Variants in UPF1 observed in about 807,000 individuals in gnomAD.
UPF1 encodes regulator of nonsense transcripts 1.
UPF1 carries 9 observed loss-of-function variants against 129.2 expected under a neutral mutation model. That is an observed-to-expected ratio of 0.07 (90% CI 0.04 to 0.12). The LOEUF is 0.12. Ranked by LOEUF, UPF1 falls within the 10% of genes least tolerant of loss-of-function variation. The probability of loss-of-function intolerance (pLI) is 1.00; values close to 1 mark genes in which losing one functional copy is unlikely to be tolerated. For synonymous variants in UPF1, 649 were observed against 644.9 expected (o/e 1.01, Z -0.10); for missense variants, 788 against 1,525.3 (o/e 0.52, Z 8.05).
rs1468821463 is a variant in UPF1 at position 18,860,458 on chromosome 19, C to T, written c.2300+20C>T. 2 of 1,610,646 alleles carry T rather than the reference C, an allele frequency of 1.2e-6. No homozygotes were observed. Among genetic ancestry groups the T allele is most frequent in the Non-Finnish European group, 1.7e-6 (2 of 1,177,302 alleles). ...GAACAGGTGAGCAGGGACAGGCCCA[C>T]CGGCGTCTGCAGGTCTTGGGGACAG... is the stretch of plus-strand genomic sequence containing the variant. On this transcript the variant is annotated intron_variant, in intron 16 of 23. Coordinates refer to ENST00000262803, the MANE Select transcript of UPF1 (RefSeq NM_002911.4).
intron 17 of UPF1, among the ~76,000 whole-genome samples, chr19:18,861,617 G>A (rs1194936177): frequency 6.6e-6 from 1 of 152,218 alleles, no homozygotes; most frequent in Non-Finnish European, 1.5e-5. Context: ...GAAGTCGCTT[G>A]AGGCTAGGAG....
rs757471724 is a variant in UPF1 at position 18,855,882 on chromosome 19, G to A, written c.1545-43G>A. On this transcript the variant is annotated intron_variant, in intron 11 of 23. Transcript: ENST00000262803. The stretch of plus-strand genomic sequence containing the variant: ...AGTCTTGGCTTACTACGTTCACCGA[G>A]CTTCCTCTGGGTAAGCACTGAGCTG... The A allele has an allele frequency of 1.7e-5, 28 of 1,602,322 alleles. No individual in the cohort carries two copies. In the East Asian group the frequency reaches 6.3e-4, roughly 36 times the overall value.
intron 6 of UPF1, among the ~76,000 whole-genome samples, chr19:18,852,626 T>A (rs2055671869): frequency 6.6e-6 from 1 of 151,316 alleles, no homozygotes; most frequent in African/African-American, 2.4e-5. Context: ...CCTGGAGCGC[T>A]GACCTCCCCT....
chr19:18,860,743 G>A (rs2055769529), intron 16 of UPF1, 83 bp from the exon 17 acceptor site: 4 of 1,561,214 alleles, frequency 2.6e-6, no homozygotes, highest in Non-Finnish European at 3.5e-6. Context: ...GCAGGGTGTT[G>A]TGTCTGCACC....
rs1180166212 is a variant in UPF1 at position 18,855,964 on chromosome 19, C to T, written c.1584C>T (p.Asp528=). The T allele has an allele frequency of 1.9e-6, 3 of 1,613,826 alleles. No homozygotes were observed. The African/African-American group carries it at 4.0e-5, about 22-fold the overall frequency. Residue 528 remains aspartate, a synonymous_variant, in exon 12 of 24, where the codon GAC becomes GAT. Coordinates refer to ENST00000262803, the MANE Select transcript of UPF1 (RefSeq NM_002911.4). ...LVCAPSNIAV[D]QLTEKIHQTG... is the part of the protein sequence containing the mutation. ...GTGCTCCGAGCAACATCGCCGTGGA[C>T]CAGCTAACGGAGAAGATCCACCAGA...
chr19:18,843,638 G>A (rs971874967), intron 1 of UPF1, among the ~76,000 whole-genome samples: 14 of 151,340 alleles, frequency 9.3e-5, no homozygotes, highest in African/African-American at 2.9e-4. Context: ...CCTGCACGGG[G>A]ATTACAGGTG....
intron 1 of UPF1, 98 bp from the exon 2 acceptor site, chr19:18,845,882 G>A: frequency 6.8e-7 from 1 of 1,475,058 alleles, no homozygotes; most frequent in East Asian, 2.4e-5. Context: ...AAGCAGAGAT[G>A]AGGCCAGGGT....
At chr19:18,856,401 AAG>A in intron 13 of UPF1, 101 bp downstream of exon 13, 5 of 1,163,640 alleles carry the variant, frequency 4.3e-6, no homozygotes, top group Non-Finnish European at 4.8e-6. Context: ...TGCTTCTGGA[AAG>A]AGAACTTAGA....
rs763927139 is a variant in UPF1 at position 18,832,352 on chromosome 19, C to T, written c.143C>T (p.Pro48Leu). Residue 48 changes from proline (P) to leucine (L), a missense_variant, in exon 1 of 24, where the codon CCC becomes CTC. By Grantham distance (98) the Pro-to-Leu change is moderately conservative. Coordinates refer to ENST00000262803, the MANE Select transcript of UPF1 (RefSeq NM_002911.4). This position sits in a 1 kb window ranked among gnomAD's most constrained non-coding sequence, Gnocchi z 5.6. ...CTTCCTAGCCAGACGCAGACGCCCC[C>T]CGGCGGCCCCGGCGGCCCGGGCGGT... ...FTLPSQTQTP[P>L]GGPGGPGGGG... 5.2e-6 allele frequency: 7 copies of T among 1,339,232 alleles called. No homozygotes were observed. The highest frequency in any genetic ancestry group is 1.5e-5 in the African/African-American group (1 of 65,802). The allele number at this position is 1,339,232 out of a possible 1,614,324, so 83.0% of individuals were successfully genotyped here.
In UPF1 at chr19:18,850,851, C is replaced by A; in HGVS notation, c.793C>A (p.Leu265Met). The A allele has an allele frequency of 1.3e-6, 2 of 1,589,846 alleles. No individual in the cohort carries two copies. The highest frequency in any genetic ancestry group is 1.7e-6 in the Non-Finnish European group (2 of 1,167,294). Reference sequence around the variant, plus strand: ...GATCACGGCACAGCAGATCAACAAGCTGGAGGAGCTGTGGAAGGTGGGGCT... The same window carrying A: ...GATCACGGCACAGCAGATCAACAAGATGGAGGAGCTGTGGAAGGTGGGGCT... ...RQITAQQINK[L>M]EELWKENPSA... Residue 265 changes from leucine to methionine, a missense_variant, in exon 5 of 24, where the codon CTG becomes ATG. Physicochemically the swap from Leu to Met is conservative, Grantham distance 15 (BLOSUM62 2). Transcript: ENST00000262803. This position sits in a 1 kb window ranked among gnomAD's most constrained non-coding sequence, Gnocchi z 7.1.
chr19:18,842,038 A>G (rs1355197986), intron 1 of UPF1, among the ~76,000 whole-genome samples: 1 of 152,180 alleles, frequency 6.6e-6, no homozygotes, highest in East Asian at 1.9e-4. Context: ...TTGAGGATGC[A>G]GTGAGCTATG....
At chr19:18,837,338 C>T (rs1395183611) in intron 1 of UPF1, among the ~76,000 whole-genome samples, 3 of 152,186 alleles carry the variant, frequency 2.0e-5, no homozygotes, top group African/African-American at 4.8e-5. Context: ...ATCCTCTCAC[C>T]TCAGGCCTCC....
chr19:18,852,556 A>G (rs2055670959), intron 6 of UPF1, among the ~76,000 whole-genome samples: 1 of 152,188 alleles, frequency 6.6e-6, no homozygotes, highest in Admixed American at 6.5e-5. Flanking sequence ...CTTTGCCCAC[A>G]GTTGCGAGAG....
rs200948107 is a variant in UPF1, at chr19:18,866,064, G to A, written c.3258G>A (p.Glu1086=). Residue 1086 remains glutamate (E), a synonymous_variant, in exon 23 of 24, where the codon GAG becomes GAA. Transcript: ENST00000262803. ...TTCAGGACAGTTACCTTGGTGACGA[G>A]TTTAAATCACAAATCGACGTGGCGC... ...ELSQDSYLGD[E]FKSQIDVALS... is the part of the protein sequence containing the mutation. The A allele has an allele frequency of 6.2e-7, 1 of 1,613,658 alleles. No homozygotes were observed.
chr19:18,851,194 T>A lies in UPF1; in HGVS notation c.810+326T>A. 1 of 223,432 alleles carries A rather than the reference T, an allele frequency of 4.5e-6. No homozygotes were observed. The highest frequency in any genetic ancestry group is 8.9e-6 in the Non-Finnish European group (1 of 111,944). The allele number at this position is 223,432 out of a possible 1,614,324, so 13.8% of individuals were successfully genotyped here. A position where few individuals can be genotyped will look rare whatever the true frequency, so the allele number is the denominator to read the frequency against. ...GTGGGCAGACTTGTCCTGCAGAGCC[T>A]GAACCTGCCCAGACAGGTGGGCTGC... is the stretch of plus-strand genomic sequence containing the variant. On this transcript the variant is annotated intron_variant, in intron 5 of 23. Coordinates refer to ENST00000262803, the MANE Select transcript of UPF1 (RefSeq NM_002911.4). This position sits in a 1 kb window ranked among gnomAD's most constrained non-coding sequence, Gnocchi z 4.2.
intron 15 of UPF1, 43 bp downstream of exon 15, chr19:18,857,576 G>A (rs755033196): frequency 2.3e-5 from 35 of 1,529,208 alleles, no homozygotes; most frequent in Non-Finnish European, 2.9e-5. Flanking sequence ...ACAGAGAAGC[G>A]GCATCAAGGG....
Position 18,850,734 on chromosome 19 carries a change from A to G in UPF1, c.676A>G (p.Ser226Gly), listed in dbSNP as rs1446655229. Residue 226 changes from serine (S) to glycine (G), a missense_variant, in exon 5 of 24, where the codon AGC becomes GGC. Physicochemically the swap from Ser to Gly is moderately conservative, Grantham distance 56. Coordinates refer to ENST00000262803, the MANE Select transcript of UPF1 (RefSeq NM_002911.4). The surrounding 1 kb of genome is among the most constrained non-coding windows in gnomAD (Gnocchi z 7.1). ...QSSLKDINWD[S>G]SQWQPLIQDR... ...CAGCCTCAAGGACATCAACTGGGAC[A>G]GCTCGCAGTGGCAGCCGCTGATCCA... The G allele has an allele frequency of 1.9e-6, 3 of 1,611,362 alleles. No individual in the cohort carries two copies. The highest frequency in any genetic ancestry group is 2.5e-6 in the Non-Finnish European group (3 of 1,179,350).
rs1256558047 is a variant in UPF1 at position 18,850,270 on chromosome 19, G to A, written c.629+28G>A. The A allele has an allele frequency of 6.4e-7, 1 of 1,558,350 alleles. No individual in the cohort carries two copies. Among genetic ancestry groups the A allele is most frequent in the East Asian group, 2.3e-5 (1 of 44,038 alleles). ...GAGTGGTCCCCAGATGTCTCCTGGG[G>A]GTGACCTTTAAGCTCCAGCCGTCTC... On this transcript the variant is annotated intron_variant, in intron 4 of 23. Coordinates refer to ENST00000262803, the MANE Select transcript of UPF1 (RefSeq NM_002911.4). This position sits in a 1 kb window ranked among gnomAD's most constrained non-coding sequence, Gnocchi z 7.1.
intron 1 of UPF1, among the ~76,000 whole-genome samples, chr19:18,840,910 T>G (rs1286791018): frequency 6.6e-6 from 1 of 152,162 alleles, no homozygotes; most frequent in African/African-American, 2.4e-5. Flanking sequence ...TGTCTAGATG[T>G]GTAAAGGTGG....
Sources: allele counts gnomAD v4.1 joint callset (sites outside exome capture counted in the v4.1 genomes callset), GRCh38; gene constraint gnomAD v4.1.1; non-coding constraint Gnocchi (gnomAD v3.1); transcripts MANE v1.5; gene names NCBI Gene and HGNC (gene_info 2026-07-23, HGNC 2026-07-21).